Variants in DOCK2 observed in about 807,000 individuals in gnomAD.
The protein encoded by DOCK2 is dedicator of cytokinesis protein 2.
In DOCK2, 87 loss-of-function variants were observed where a neutral mutation model predicts 248.9. That is an observed-to-expected ratio of 0.35 (90% CI 0.29 to 0.42). The LOEUF is 0.42. DOCK2 is among the 10% of genes least tolerant of loss of function. The probability of loss-of-function intolerance (pLI) is 1.00; values close to 1 mark genes in which losing one functional copy is unlikely to be tolerated. For missense variants in DOCK2, 1,747 were observed against 2,300.2 expected, an observed-to-expected ratio of 0.76 and a Z score of 4.92; for synonymous variants, 805 against 821.6, an observed-to-expected ratio of 0.98 and a Z score of 0.35.
At chr5:169,942,125 A>G (rs1288753677) in intron 27 of DOCK2, among the ~76,000 whole-genome samples, 4 of 152,230 alleles carry the variant, frequency 2.6e-5, no homozygotes, top group African/African-American at 9.6e-5. Context: ...AGGTATCAGG[A>G]AGCAGATTCT....
intron 33 of DOCK2, among the ~76,000 whole-genome samples, chr5:170,023,784 C>T (rs1755811666): frequency 6.6e-6 from 1 of 152,214 alleles, no homozygotes; most frequent in Admixed American, 6.5e-5. Context: ...TCATCCTTGT[C>T]ATCTTCCTGA....
intron 27 of DOCK2, among the ~76,000 whole-genome samples, chr5:169,848,784 A>G (rs1770465075): frequency 6.6e-6 from 1 of 152,228 alleles, no homozygotes; most frequent in African/African-American, 2.4e-5. Context: ...GCAGCTCCAG[A>G]AATTCAGAGC....
At chr5:170,069,351 C>G in intron 46 of DOCK2, 131 bp downstream of exon 46, 2 of 876,968 alleles carry the variant, frequency 2.3e-6, no homozygotes, top group Non-Finnish European at 3.6e-6. Context: ...GCTTTTCAGC[C>G]CCTCTTCCAA....
intron 2 of DOCK2, 69 bp from the exon 3 acceptor site, chr5:169,669,219 A>C (rs1034373232): frequency 6.2e-7 from 1 of 1,604,182 alleles, no homozygotes; most frequent in African/African-American, 1.3e-5. Context: ...AAAACAAAAC[A>C]AAACAGAAAA....
intron 26 of DOCK2, among the ~76,000 whole-genome samples, chr5:169,829,972 C>A (rs1769117516): frequency 6.6e-6 from 1 of 152,212 alleles, no homozygotes; most frequent in African/African-American, 2.4e-5. Context: ...TCTGCTATCT[C>A]CTATTCTATT....
intron 32 of DOCK2, among the ~76,000 whole-genome samples, chr5:170,010,946 G>A (rs1755264894): frequency 6.6e-6 from 1 of 152,158 alleles, no homozygotes; most frequent in Admixed American, 6.5e-5. Context: ...TTATGTTTTG[G>A]CAGGCATTCC....
chr5:169,835,574 G>T (rs938641976), intron 26 of DOCK2, among the ~76,000 whole-genome samples: 97 of 152,006 alleles, frequency 6.4e-4, no homozygotes, highest in African/African-American at 2.2e-3. Flanking sequence ...GTTTTCTATG[G>T]TGGACAGTTA....
chr5:169,961,459 T>C (rs1777083520), intron 27 of DOCK2, among the ~76,000 whole-genome samples: 1 of 152,198 alleles, frequency 6.6e-6, no homozygotes, highest in Non-Finnish European at 1.5e-5. Flanking sequence ...GAGCATAATG[T>C]TTGAAATTTA....
rs557233874 is a variant in DOCK2, at chr5:169,686,405, C to T, written c.761+2055C>T. Among the ~76,000 whole-genome samples the T allele has an allele frequency of 2.0e-5, 3 of 152,300 alleles. No homozygotes were observed. The East Asian group carries it at 5.8e-4, about 29-fold the overall frequency. Reference sequence around the variant, plus strand: ...CTGCCGTGCCACCTGGCAGGCCATGCTCAATGGGGTGTGCCTGAGTGACAT... The same window carrying T: ...CTGCCGTGCCACCTGGCAGGCCATGTTCAATGGGGTGTGCCTGAGTGACAT... On this transcript the variant is annotated intron_variant, in intron 8 of 51. Transcript: ENST00000520908.
intron 27 of DOCK2, among the ~76,000 whole-genome samples, chr5:169,907,372 G>A (rs1774340796): frequency 6.6e-6 from 1 of 152,198 alleles, no homozygotes; most frequent in South Asian, 2.1e-4. Context: ...AAGATCCTCT[G>A]GCCAGTTCTA....
chr5:169,795,405 A>C (rs910558278), intron 25 of DOCK2, among the ~76,000 whole-genome samples: 8 of 152,184 alleles, frequency 5.3e-5, no homozygotes, highest in Non-Finnish European at 7.3e-5. Flanking sequence ...GTGGAGACGT[A>C]GATGGCGCCG....
At chr5:169,935,071 G>A (rs1316106970) in intron 27 of DOCK2, among the ~76,000 whole-genome samples, 3 of 152,192 alleles carry the variant, frequency 2.0e-5, no homozygotes, top group East Asian at 1.9e-4. Context: ...GGGAGTCCAC[G>A]TGGGCAGGAA....
At chr5:169,892,167 T>C (rs1177267673) in intron 27 of DOCK2, among the ~76,000 whole-genome samples, 1 of 151,926 alleles carries the variant, frequency 6.6e-6, no homozygotes. Flanking sequence ...TAAAACACAA[T>C]AAAGTGGAGT....
chr5:169,827,810 A>G (rs1768964364), intron 26 of DOCK2, among the ~76,000 whole-genome samples: 1 of 152,190 alleles, frequency 6.6e-6, no homozygotes, highest in Admixed American at 6.5e-5. Flanking sequence ...TGGTGTTAGA[A>G]ATGTGATAGA....
intron 32 of DOCK2, among the ~76,000 whole-genome samples, chr5:170,018,030 T>G (rs554308195): frequency 1.3e-5 from 2 of 152,348 alleles, no homozygotes; most frequent in South Asian, 4.1e-4. Context: ...CTCAGTGCTA[T>G]AGACACAATG....
In DOCK2 at chr5:169,711,992, C is replaced by A; in HGVS notation, c.1540C>A (p.Arg514=). Residue 514 remains arginine (R), a synonymous_variant, in exon 16 of 52, where the codon CGG becomes AGG. Coordinates refer to ENST00000520908, the MANE Select transcript of DOCK2 (RefSeq NM_004946.3). ...CCATCTGCGATTCATGTTTCGACAT[C>A]GGTCATCTCTGGAATGTGAGTACCA... is the stretch of plus-strand genomic sequence containing the variant. The part of the protein sequence containing the change: ...RIHLRFMFRH[R]SSLESKDKGE... 1 of 1,614,118 alleles carries A rather than the reference C, an allele frequency of 6.2e-7. No individual in the cohort carries two copies. Among genetic ancestry groups the A allele is most frequent in the South Asian group, 1.1e-5 (1 of 91,086 alleles).
At chr5:169,863,673 GC>G (rs1771348732) in intron 27 of DOCK2, among the ~76,000 whole-genome samples, 1 of 152,204 alleles carries the variant, frequency 6.6e-6, no homozygotes. Context: ...AGATGACAGA[GC>G]CTTAATTTGG....
intron 1 of DOCK2, among the ~76,000 whole-genome samples, chr5:169,651,915 C>G (rs1757829687): frequency 6.6e-6 from 1 of 152,196 alleles, no homozygotes; most frequent in African/African-American, 2.4e-5. Flanking sequence ...GATTTAAAGG[C>G]TACACAAAGC....
At chr5:169,687,569 G>T (rs1328711326) in intron 8 of DOCK2, among the ~76,000 whole-genome samples, 2 of 152,154 alleles carry the variant, frequency 1.3e-5, no homozygotes, top group East Asian at 1.9e-4. Context: ...AAAAAATCTT[G>T]TTCCTAATTT....
Sources: allele counts gnomAD v4.1 joint callset (sites outside exome capture counted in the v4.1 genomes callset), GRCh38; gene constraint gnomAD v4.1.1; transcripts MANE v1.5; gene names NCBI Gene and HGNC (gene_info 2026-07-23, HGNC 2026-07-21).